The following IMPG2 variants were observed in gnomAD, a reference collection of about 807,000 sequenced individuals.
IMPG2 encodes IPM 200.
In IMPG2, 91 loss-of-function variants were observed where a neutral mutation model predicts 129.2. The ratio of observed to expected loss-of-function variants is 0.70; its 90% CI spans 0.59 to 0.84. The LOEUF (loss-of-function observed/expected upper bound fraction) is 0.84, where lower values mean the gene tolerates loss of function less well. Ranked by LOEUF, IMPG2 falls within the 40% of genes least tolerant of loss-of-function variation. The pLI, the probability that IMPG2 is intolerant of heterozygous loss-of-function variation, is 0.00. For synonymous variants in IMPG2, 510 were observed against 517.7 expected, an observed-to-expected ratio of 0.99 and a Z score of 0.20; for missense variants, 1,430 against 1,461.7, an observed-to-expected ratio of 0.98 and a Z score of 0.35.
chr3:101,254,494 G>A (rs997336676), intron 10 of IMPG2, among the ~76,000 whole-genome samples: 3 of 152,026 alleles, frequency 2.0e-5, no homozygotes, highest in African/African-American at 7.3e-5. Context: ...TGCCCACGGG[G>A]GAGAGGGAAT....
intron 9 of IMPG2, among the ~76,000 whole-genome samples, chr3:101,260,655 C>CCTTATAT (rs1706659211): frequency 6.6e-6 from 1 of 152,118 alleles, no homozygotes; most frequent in African/African-American, 2.4e-5. Context: ...ACCTCCCAAC[C>CCTTATAT]CTTATATCTT....
rs200465273 is a variant in IMPG2 at position 101,273,777 on chromosome 3, G to A, written c.667-35C>T. The A allele has an allele frequency of 8.2e-6, 13 of 1,586,712 alleles. No individual in the cohort carries two copies. In the South Asian group the frequency reaches 1.3e-4, roughly 16 times the overall value. ...TAGAGAAAGAACAATAAATGTCAAG[G>A]CTTATTCATTCAATCAACAAACATT... On this transcript the variant is annotated intron_variant, in intron 6 of 18. Coordinates refer to ENST00000193391, the MANE Select transcript of IMPG2 (RefSeq NM_016247.4).
At chr3:101,266,504 C>T (rs1475307612) in intron 9 of IMPG2, among the ~76,000 whole-genome samples, 1 of 152,142 alleles carries the variant, frequency 6.6e-6, no homozygotes, top group Non-Finnish European at 1.5e-5. Flanking sequence ...TGAAACTTAA[C>T]TCCCTCCTAC....
Position 101,319,621 on chromosome 3 carries a change from C to T in IMPG2, c.297G>A (p.Glu99=). The change falls in exon 2 of 19, where the codon GAG becomes GAA. Residue 99 remains glutamate, a synonymous_variant. Coordinates refer to ENST00000193391, the MANE Select transcript of IMPG2 (RefSeq NM_016247.4). ...AATACTTCACATGATTTGCCACAGC[C>T]TCTGCAACACTTTCATCTGGGCAGA... ...VKICPDESVA[E]AVANHVKYFK... 6.2e-7 allele frequency: 1 copy of T among 1,613,724 alleles called. No individual in the cohort carries two copies. Among genetic ancestry groups the T allele is most frequent in the Non-Finnish European group, 8.5e-7 (1 of 1,179,804 alleles).
chr3:101,299,954 G>C (rs1327025647), intron 3 of IMPG2, among the ~76,000 whole-genome samples: 2 of 152,214 alleles, frequency 1.3e-5, no homozygotes, highest in South Asian at 4.1e-4. Context: ...TCACTGTGGG[G>C]AAACCCACTC....
chr3:101,286,896 CATTATGCTTTAGCCA>C (rs1197040620), intron 4 of IMPG2, among the ~76,000 whole-genome samples: 1 of 152,142 alleles, frequency 6.6e-6, no homozygotes, highest in Non-Finnish European at 1.5e-5. Context: ...AGAGAAAACC[CATTATGCTTTAGCCA>C]ATTAACAGAC....
intron 9 of IMPG2, among the ~76,000 whole-genome samples, chr3:101,260,278 A>C (rs987623140): frequency 6.6e-6 from 1 of 152,142 alleles, no homozygotes; most frequent in Non-Finnish European, 1.5e-5. Flanking sequence ...AAAAGTAGTA[A>C]CTGAGCACTT....
chr3:101,240,292 G>T (rs1247465917), intron 14 of IMPG2, among the ~76,000 whole-genome samples: 5 of 151,884 alleles, frequency 3.3e-5, no homozygotes, highest in African/African-American at 1.2e-4. Context: ...TAATTTTTCA[G>T]TTTTTCTGTA....
At chr3:101,256,762 C>G (rs575573841) in intron 10 of IMPG2, among the ~76,000 whole-genome samples, 9 of 152,174 alleles carry the variant, frequency 5.9e-5, no homozygotes, top group African/African-American at 2.2e-4. Flanking sequence ...ACTTCCATAA[C>G]GTATATTCCA....
chr3:101,240,269 C>A (rs1345530291), intron 14 of IMPG2, among the ~76,000 whole-genome samples: 1 of 151,972 alleles, frequency 6.6e-6, no homozygotes, highest in African/African-American at 2.4e-5. Flanking sequence ...AGGCATATGC[C>A]ACAGTGCCCA....
At chr3:101,290,520 A>G (rs947425200) in intron 4 of IMPG2, among the ~76,000 whole-genome samples, 1 of 152,052 alleles carries the variant, frequency 6.6e-6, no homozygotes, top group Non-Finnish European at 1.5e-5. Context: ...AAATAAATAA[A>G]TGTAAAAAAT....
At chr3:101,269,823 G>C (rs948357826) in intron 7 of IMPG2, among the ~76,000 whole-genome samples, 2 of 150,212 alleles carry the variant, frequency 1.3e-5, no homozygotes, top group African/African-American at 4.9e-5. Context: ...ATTATAAAAA[G>C]CATACTCCTT....
At chr3:101,247,787 T>C (rs1424191746) in intron 11 of IMPG2, among the ~76,000 whole-genome samples, 1 of 152,120 alleles carries the variant, frequency 6.6e-6, no homozygotes, top group Non-Finnish European at 1.5e-5. Context: ...CCAGCCTGTG[T>C]TTCTAATGTA....
chr3:101,319,830 G>C lies in IMPG2; in HGVS notation c.88C>G (p.Gln30Glu). 2 of 1,610,790 alleles carry C rather than the reference G, an allele frequency of 1.2e-6. No homozygotes were observed. Among genetic ancestry groups the C allele is most frequent in the Non-Finnish European group, 1.7e-6 (2 of 1,179,360 alleles). Residue 30 changes from glutamine (Q) to glutamate (E), a missense_variant and splice_region_variant, in exon 2 of 19, where the codon CAA becomes GAA. Coordinates refer to ENST00000193391, the MANE Select transcript of IMPG2 (RefSeq NM_016247.4). ...IEGDFPSLTAQTYLSIEEIQE... is the reference protein window; with the variant it reads ...IEGDFPSLTAETYLSIEEIQE... ...ATCTCCTCTATAGATAAGTAGGTTT[G>C]TGCTACAGAGTGAAAGTATAGTCAA... is the stretch of plus-strand genomic sequence containing the variant.
At chr3:101,290,622 C>T (rs576047697) in intron 4 of IMPG2, among the ~76,000 whole-genome samples, 1 of 152,246 alleles carries the variant, frequency 6.6e-6, no homozygotes, top group South Asian at 2.1e-4. Context: ...GTGCCATTGG[C>T]TGTTTGAATA....
chr3:101,309,947 T>C (rs1707242679), intron 2 of IMPG2, among the ~76,000 whole-genome samples: 1 of 152,200 alleles, frequency 6.6e-6, no homozygotes, highest in African/African-American at 2.4e-5. Flanking sequence ...ATTCTATTTA[T>C]ATAAAGTCCT....
At chr3:101,227,987 A>C in intron 18 of IMPG2, 1 of 380,872 alleles carries the variant, frequency 2.6e-6, no homozygotes, top group South Asian at 1.9e-5. Context: ...TCTCTTCTAA[A>C]AGCCAAGCCA....
chr3:101,283,579 A>C (rs145719942), intron 4 of IMPG2, among the ~76,000 whole-genome samples: 63 of 152,340 alleles, frequency 4.1e-4, no homozygotes, highest in African/African-American at 1.4e-3. Context: ...CAGAGTATAC[A>C]GTAGATGGCC....
chr3:101,264,422 A>G (rs187019163), intron 9 of IMPG2, among the ~76,000 whole-genome samples: 26 of 152,290 alleles, frequency 1.7e-4, no homozygotes, highest in Non-Finnish European at 2.8e-4. Context: ...AGGATGATAC[A>G]TCACATCAGC....
Sources: allele counts gnomAD v4.1 joint callset (sites outside exome capture counted in the v4.1 genomes callset), GRCh38; gene constraint gnomAD v4.1.1; transcripts MANE v1.5; gene names NCBI Gene and HGNC (gene_info 2026-07-23, HGNC 2026-07-21).